The following RHBDD1 variants were observed in gnomAD, a reference collection of about 807,000 sequenced individuals.
RHBDD1 encodes the protein rhomboid domain containing 1, also known as rhomboid-related protein 4.
Under a neutral mutation model 36.3 loss-of-function variants are expected in RHBDD1, and 38 were observed. That is an observed-to-expected ratio of 1.05 (90% CI 0.81 to 1.37). The LOEUF (loss-of-function observed/expected upper bound fraction) is 1.37. Among genes scored for constraint, RHBDD1 ranks in the 40% most tolerant of loss-of-function variants. The pLI is 0.00. For missense variants in RHBDD1, 393 were observed against 377.6 expected (o/e 1.04, Z -0.34); for synonymous variants, 151 against 136.5 (o/e 1.11, Z -0.74).
At chr2:226,905,554 G>C (rs907901664) in intron 5 of RHBDD1, among the ~76,000 whole-genome samples, 1 of 152,208 alleles carries the variant, frequency 6.6e-6, no homozygotes, top group African/African-American at 2.4e-5. Flanking sequence ...TATTCTGTGA[G>C]AACCAGTGGA....
Position 226,900,311 on chromosome 2 carries a change from C to T in RHBDD1, c.567-6482C>T, listed in dbSNP as rs1028617688. Among the ~76,000 whole-genome samples the T allele has an allele frequency of 5.3e-5, 8 of 152,104 alleles. No individual in the cohort carries two copies. In the East Asian group the frequency reaches 5.8e-4, roughly 11 times the overall value. ...TACATGATCTGAATTTGAATCGTGA[C>T]GTTATTGGTTACCTTGCAGAATCAC... is the stretch of plus-strand genomic sequence containing the variant. On this transcript the variant is annotated intron_variant, in intron 5 of 8. Coordinates refer to ENST00000392062, the MANE Select transcript of RHBDD1 (RefSeq NM_001167608.3).
upstream of RHBDD1, among the ~76,000 whole-genome samples, chr2:226,835,412 GTCCCAGACCCAAGCT>G (rs1424648906): frequency 6.6e-6 from 1 of 152,234 alleles, no homozygotes; most frequent in African/African-American, 2.4e-5. Context: ...GCGTGGTGCA[GTCCCAGACCCAAGCT>G]TCTGGGAGTG....
intron 3 of RHBDD1, among the ~76,000 whole-genome samples, chr2:226,842,898 C>T (rs1941824062): frequency 6.6e-6 from 1 of 152,202 alleles, no homozygotes; most frequent in Non-Finnish European, 1.5e-5. Flanking sequence ...TTGATTCTCT[C>T]TGTTCATGAG....
At chr2:226,849,569 G>T (rs944281024) in intron 3 of RHBDD1, among the ~76,000 whole-genome samples, 1 of 152,222 alleles carries the variant, frequency 6.6e-6, no homozygotes, top group Non-Finnish European at 1.5e-5. Flanking sequence ...CAGGCTTCTA[G>T]CCTCCAGACC....
intron 8 of RHBDD1, among the ~76,000 whole-genome samples, chr2:226,956,899 G>A (rs1951823671): frequency 1.3e-5 from 2 of 152,184 alleles, no homozygotes; most frequent in Admixed American, 1.3e-4. Context: ...AGCCCTTATT[G>A]TGTTCCTCTG....
the RHBDD1 span, among the ~76,000 whole-genome samples, chr2:226,807,857 T>A: frequency 6.6e-6 from 1 of 152,138 alleles, no homozygotes; most frequent in African/African-American, 2.4e-5. Context: ...CCCAGCACTT[T>A]GGGAGGCCGA....
the RHBDD1 span, among the ~76,000 whole-genome samples, chr2:226,806,633 G>T: frequency 1.3e-5 from 2 of 152,036 alleles, no homozygotes. Context: ...ACATCAGTGC[G>T]CACACACACA....
rs377407294 is a variant in RHBDD1, at chr2:226,935,831, A to T, written c.856+21480A>T. ...ATAAATTCAAACAGCTATATAAAGC[A>T]GATCTAACTTGATAAACACATGTAT... On this transcript the variant is annotated intron_variant, in intron 8 of 8. Transcript: ENST00000392062. 5.5e-4 allele frequency among the ~76,000 whole-genome samples: 84 copies of T among 152,150 alleles called. 1 individual carries two copies. Among genetic ancestry groups the T allele is most frequent in the Admixed American group, 5.5e-3 (84 of 15,248 alleles).
intron 8 of RHBDD1, among the ~76,000 whole-genome samples, chr2:226,984,417 C>G (rs999177806): frequency 6.6e-6 from 1 of 152,204 alleles, no homozygotes; most frequent in Non-Finnish European, 1.5e-5. Flanking sequence ...AGTGCAAGCT[C>G]TGGCCTCTTC....
intron 8 of RHBDD1, among the ~76,000 whole-genome samples, chr2:226,929,678 C>T (rs755324727): frequency 2.0e-5 from 3 of 151,502 alleles, no homozygotes; most frequent in African/African-American, 7.3e-5. Context: ...AAAGAAAGGA[C>T]GTTCAAATTA....
At chr2:226,924,221 G>A (rs1488667271) in intron 8 of RHBDD1, among the ~76,000 whole-genome samples, 6 of 152,134 alleles carry the variant, frequency 3.9e-5, no homozygotes, top group Non-Finnish European at 8.8e-5. Flanking sequence ...CCTTTAGTCA[G>A]CAGGTGATGA....
intron 8 of RHBDD1, among the ~76,000 whole-genome samples, chr2:226,973,686 T>G (rs971653798): frequency 2.0e-5 from 3 of 152,210 alleles, no homozygotes; most frequent in African/African-American, 7.2e-5. Context: ...AGATGTTCAT[T>G]CTTGGAAGCA....
chr2:226,834,705 C>G (rs768747728), upstream of RHBDD1, among the ~76,000 whole-genome samples: 2 of 152,208 alleles, frequency 1.3e-5, no homozygotes, highest in Non-Finnish European at 2.9e-5. Flanking sequence ...ACTAAACCAC[C>G]TGTATTCGGA....
At chr2:226,853,842 T>C (rs1943066308) in intron 3 of RHBDD1, among the ~76,000 whole-genome samples, 1 of 152,198 alleles carries the variant, frequency 6.6e-6, no homozygotes, top group Admixed American at 6.5e-5. Context: ...CCAGAAAGTC[T>C]GAAGGGCCGA....
In RHBDD1 at chr2:226,987,481, T is replaced by C. The variant is rs533757355; in HGVS notation, c.857-7950T>C. ...AGCTAGCTGGTAGGACAGGCAACAG[T>C]CTCCAGAGAAGCTGCTCAGGCAGCT... On this transcript the variant is annotated intron_variant, in intron 8 of 8. Coordinates refer to ENST00000392062, the MANE Select transcript of RHBDD1 (RefSeq NM_001167608.3). Among the ~76,000 whole-genome samples the C allele has an allele frequency of 9.0e-4, 137 of 152,260 alleles. 1 individual carries two copies. Among genetic ancestry groups the C allele is most frequent in the African/African-American group, 3.1e-3 (129 of 41,568 alleles).
intron 5 of RHBDD1, among the ~76,000 whole-genome samples, chr2:226,879,072 CAAAAA>C (rs916415771): frequency 1.3e-4 from 11 of 84,086 alleles, no homozygotes; most frequent in African/African-American, 4.0e-4. Flanking sequence ...ACTGGCATTC[CAAAAA>C]AAAAAAAAAA....
the RHBDD1 span, among the ~76,000 whole-genome samples, chr2:226,826,990 T>C: frequency 8.0e-4 from 122 of 151,818 alleles, no homozygotes; most frequent in Admixed American, 2.1e-3. Context: ...TAAGACAGTG[T>C]CACTATTGCC....
chr2:226,910,401 G>A (rs543895211), intron 7 of RHBDD1, among the ~76,000 whole-genome samples: 9 of 152,296 alleles, frequency 5.9e-5, no homozygotes, highest in African/African-American at 2.2e-4. Flanking sequence ...CTATGCTAAT[G>A]GTCATCTAGG....
chr2:226,988,807 G>T, intron 8 of RHBDD1: 1 of 677,902 alleles, frequency 1.5e-6, no homozygotes, highest in Non-Finnish European at 1.8e-6. Context: ...AAATACTTGA[G>T]AGTTAACTAC....
Sources: allele counts gnomAD v4.1 joint callset (sites outside exome capture counted in the v4.1 genomes callset), GRCh38; gene constraint gnomAD v4.1.1; transcripts MANE v1.5; gene names NCBI Gene and HGNC (gene_info 2026-07-23, HGNC 2026-07-21).